Variants in RETREG1 observed in about 807,000 individuals in gnomAD.
The protein encoded by RETREG1 is reticulophagy regulator 1.
A neutral mutation model predicts 54.8 loss-of-function variants in RETREG1; 44 were observed. That is an observed-to-expected ratio of 0.80 (90% confidence interval 0.63 to 1.03). The LOEUF (loss-of-function observed/expected upper bound fraction) is 1.03, where lower values mean the gene tolerates loss of function less well. Among genes scored for constraint, RETREG1 ranks in the 50% least tolerant of loss-of-function variants. RETREG1 has a pLI of 0.00. For missense variants in RETREG1, 554 were observed against 605.1 expected (o/e 0.92, Z 0.89); for synonymous variants, 217 against 238.5 (o/e 0.91, Z 0.83).
At chr5:16,518,471 T>G (rs1228899651) in intron 3 of RETREG1, among the ~76,000 whole-genome samples, 1 of 151,894 alleles carries the variant, frequency 6.6e-6, no homozygotes, top group African/African-American at 2.4e-5. Context: ...AGGGAAATAA[T>G]GAGTATTTTC....
intron 3 of RETREG1, among the ~76,000 whole-genome samples, chr5:16,540,866 T>C (rs2126605952): frequency 6.6e-6 from 1 of 152,346 alleles, no homozygotes; most frequent in Non-Finnish European, 1.5e-5. Flanking sequence ...TATGTCTATG[T>C]TAACCATGGG....
intron 3 of RETREG1, among the ~76,000 whole-genome samples, chr5:16,527,084 T>C (rs1286822800): frequency 1.3e-5 from 2 of 152,252 alleles, no homozygotes. Context: ...CCTCATCCAG[T>C]GCTGCTTCCT....
chr5:16,551,492 C>T (rs1157827277), intron 3 of RETREG1, among the ~76,000 whole-genome samples: 1 of 152,064 alleles, frequency 6.6e-6, no homozygotes, highest in African/African-American at 2.4e-5. Context: ...TTCATCAAAC[C>T]TTCTTATTTC....
Position 16,527,050 on chromosome 5 carries a change from G to A in RETREG1, c.458+38713C>T, listed in dbSNP as rs775680222. 4.7e-4 allele frequency among the ~76,000 whole-genome samples: 71 copies of A among 152,208 alleles called. 1 individual carries two copies. Among genetic ancestry groups the A allele is most frequent in the Admixed American group, 4.5e-3 (69 of 15,292 alleles). Reference sequence around the variant, plus strand: ...AGGTGTGGGCTGAGGCCTTTGTTGCGCCTGCATCACAGCTCAGCTTCTCCC... The same window carrying A: ...AGGTGTGGGCTGAGGCCTTTGTTGCACCTGCATCACAGCTCAGCTTCTCCC... On this transcript the variant is annotated intron_variant, in intron 3 of 8. Transcript: ENST00000306320.
At chr5:16,508,169 T>C (rs967856088) in intron 3 of RETREG1, among the ~76,000 whole-genome samples, 1 of 152,254 alleles carries the variant, frequency 6.6e-6, no homozygotes, top group African/African-American at 2.4e-5. Flanking sequence ...GTCCAATGTT[T>C]AAACTGTGGA....
chr5:16,549,498 T>C (rs1261219186), intron 3 of RETREG1, among the ~76,000 whole-genome samples: 2 of 152,198 alleles, frequency 1.3e-5, no homozygotes, highest in African/African-American at 4.8e-5. Flanking sequence ...CTTGGGATAG[T>C]CCTACTTTGA....
At chr5:16,607,556 G>T (rs1161080303) in intron 1 of RETREG1, among the ~76,000 whole-genome samples, 2 of 152,094 alleles carry the variant, frequency 1.3e-5, no homozygotes, top group African/African-American at 2.4e-5. Flanking sequence ...GGAGACTGCA[G>T]TGAGCCAAGA....
chr5:16,555,096 T>G (rs569032261), intron 3 of RETREG1, among the ~76,000 whole-genome samples: 17 of 152,334 alleles, frequency 1.1e-4, no homozygotes, highest in Middle Eastern at 3.4e-3. Flanking sequence ...GCAGTAATTA[T>G]TTTCTGACTC....
At chr5:16,565,029 A>T (rs906343924) in intron 3 of RETREG1, among the ~76,000 whole-genome samples, 4 of 152,202 alleles carry the variant, frequency 2.6e-5, no homozygotes, top group African/African-American at 9.7e-5. Flanking sequence ...ATTTTAAGGC[A>T]GAAATTTAAA....
At chr5:16,572,729 G>A (rs932731410) in intron 1 of RETREG1, among the ~76,000 whole-genome samples, 1 of 152,148 alleles carries the variant, frequency 6.6e-6, no homozygotes, top group Non-Finnish European at 1.5e-5. Context: ...GAATGGAAGT[G>A]ACCTGAAACA....
chr5:16,526,826 C>A (rs535937766), intron 3 of RETREG1, among the ~76,000 whole-genome samples: 3 of 152,244 alleles, frequency 2.0e-5, no homozygotes, highest in Non-Finnish European at 2.9e-5. Context: ...GTCCCCCTTA[C>A]GGAATGAAGG....
At chr5:16,595,267 ATCT>A (rs1234588847) in intron 1 of RETREG1, among the ~76,000 whole-genome samples, 2 of 152,112 alleles carry the variant, frequency 1.3e-5, no homozygotes, top group African/African-American at 4.8e-5. Flanking sequence ...CACCAGAAAG[ATCT>A]TTTTTTTAAG....
At chr5:16,540,289 A>G (rs1418363517) in intron 3 of RETREG1, among the ~76,000 whole-genome samples, 1 of 152,234 alleles carries the variant, frequency 6.6e-6, no homozygotes, top group Non-Finnish European at 1.5e-5. Context: ...ATTGCCTAAC[A>G]GCAAATAAAT....
At chr5:16,520,505 T>G (rs886502678) in intron 3 of RETREG1, among the ~76,000 whole-genome samples, 3 of 151,992 alleles carry the variant, frequency 2.0e-5, no homozygotes, top group African/African-American at 7.2e-5. Context: ...AATTTTTGTA[T>G]TTTTAGTAGA....
intron 1 of RETREG1, among the ~76,000 whole-genome samples, chr5:16,576,774 G>A (rs1175897371): frequency 3.9e-5 from 6 of 152,016 alleles, no homozygotes; most frequent in East Asian, 1.9e-4. Flanking sequence ...GAGCCACCGC[G>A]CCCGGCCAAT....
intron 1 of RETREG1, among the ~76,000 whole-genome samples, chr5:16,602,037 G>T (rs1743068925): frequency 6.6e-6 from 1 of 152,094 alleles, no homozygotes. Flanking sequence ...AGCAAGAGCG[G>T]GATAAAGATG....
chr5:16,531,703 C>G (rs1015839133), intron 3 of RETREG1, among the ~76,000 whole-genome samples: 1 of 152,094 alleles, frequency 6.6e-6, no homozygotes, highest in African/African-American at 2.4e-5. Context: ...AAGCAAGACA[C>G]GCGTGGCACA....
intron 2 of RETREG1, among the ~76,000 whole-genome samples, chr5:16,571,776 T>C (rs1742177149): frequency 6.6e-6 from 1 of 152,132 alleles, no homozygotes. Flanking sequence ...AAATAGCTCT[T>C]AAGACCAAGA....
chr5:16,495,273 G>A (rs549223897), intron 3 of RETREG1, among the ~76,000 whole-genome samples: 100 of 152,324 alleles, frequency 6.6e-4, no homozygotes, highest in Admixed American at 6.5e-3. Flanking sequence ...TGGCCATGTG[G>A]TAGAAAAGAA....
Sources: gnomAD v4.1 joint callset for allele counts (sites outside exome capture counted in the v4.1 genomes callset) on GRCh38, gnomAD v4.1.1 for gene constraint, MANE v1.5 for transcripts, NCBI Gene and HGNC (gene_info 2026-07-23, HGNC 2026-07-21) for gene names.